The following MLXIP variants were observed in gnomAD, a reference collection of about 807,000 sequenced individuals.
MLXIP encodes MLX interacting protein.
A neutral mutation model predicts 87.2 loss-of-function variants in MLXIP; 30 were observed. The ratio of observed to expected loss-of-function variants is 0.34; its 90% confidence interval spans 0.26 to 0.47. The LOEUF is 0.47. Among genes scored for constraint, MLXIP ranks in the 20% least tolerant of loss-of-function variants. The pLI is 1.00. For synonymous variants in MLXIP, 530 were observed against 514.0 expected (o/e 1.03, Z -0.42); for missense variants, 1,002 against 1,240.1 (o/e 0.81, Z 2.88).
chr12:122,135,690 G>T lies in MLXIP; in HGVS notation c.2032+24G>T. The stretch of plus-strand genomic sequence containing the variant: ...CAGTGAGTGTTCACTCGGCGGGATG[G>T]TTGGGGCATCGCAAGGGAAGTAACT... On this transcript the variant is annotated intron_variant, in intron 11 of 16. Coordinates refer to ENST00000319080, the MANE Select transcript of MLXIP (RefSeq NM_014938.6). The surrounding 1 kb of genome is among the most constrained non-coding windows in gnomAD (Gnocchi z 5.3). The T allele has an allele frequency of 2.0e-6, 3 of 1,465,622 alleles. No individual in the cohort carries two copies. The highest frequency in any genetic ancestry group is 2.7e-6 in the Non-Finnish European group (3 of 1,109,256). The allele number at this position is 1,465,622 out of a possible 1,614,324, so 90.8% of individuals were successfully genotyped here. A position where few individuals can be genotyped will look rare whatever the true frequency, so the allele number is the denominator to read the frequency against.
intron 3 of MLXIP, chr12:122,128,272 A>G (rs1381912270): frequency 7.3e-6 from 2 of 272,620 alleles, no homozygotes; most frequent in East Asian, 9.3e-5. Flanking sequence ...AGAGGAATAT[A>G]TAGAAGTGTC....
At position 122,133,560 on chromosome 12, in the gene MLXIP, C is replaced by T; in HGVS notation, c.1305C>T (p.Pro435=). The part of the protein sequence containing the change: ...PQPFLPVFTM[P]LLSPSPAPPP... Reference sequence around the variant, plus strand: ...CCTTCCTCCCTGTCTTCACCATGCCCCTGCTGTCTCCCAGCCCCGCCCCAC... The same window carrying T: ...CCTTCCTCCCTGTCTTCACCATGCCTCTGCTGTCTCCCAGCCCCGCCCCAC... Residue 435 remains proline (P), a synonymous_variant, in exon 9 of 17, where the codon CCC becomes CCT. Transcript: ENST00000319080. This position sits in a 1 kb window ranked among gnomAD's most constrained non-coding sequence, Gnocchi z 4.9. 2 of 1,606,430 alleles carry T rather than the reference C, an allele frequency of 1.2e-6. No homozygotes were observed. The highest frequency in any genetic ancestry group is 1.7e-6 in the Non-Finnish European group (2 of 1,176,712).
chr12:122,138,981 A>G lies in MLXIP; in HGVS notation c.2508+43A>G, dbSNP rs764681287. On this transcript the variant is annotated intron_variant, in intron 15 of 16. Transcript: ENST00000319080. ...TTTTGCTCTTCCCGGCCCTCAGCCA[A>G]TGCACTGAAGCCACAGACCGTGGCA... 9.9e-6 allele frequency: 16 copies of G among 1,610,442 alleles called. No homozygotes were observed. In the Admixed American group the frequency reaches 1.2e-4, roughly 12 times the overall value.
Position 122,079,121 on chromosome 12 carries a change from G to A in MLXIP, c.268G>A (p.Glu90Lys). Residue 90 changes from glutamate (E) to lysine (K), a missense_variant, in exon 1 of 17, where the codon GAG becomes AAG. This residue lies in a region of MLXIP where 127 missense variants were observed against 239.0 expected (regional missense o/e 0.53). Coordinates refer to ENST00000319080, the MANE Select transcript of MLXIP (RefSeq NM_014938.6). ...CTTCATGGTGTCGTCGCCGCACCGA[G>A]AGCACCCGCCCAAGAAGGGCTACGA... ...GHFMVSSPHR[E>K]HPPKKGYDFD... The A allele has an allele frequency of 1.3e-6, 2 of 1,550,354 alleles. No individual in the cohort carries two copies. The highest frequency in any genetic ancestry group is 1.7e-6 in the Non-Finnish European group (2 of 1,146,838).
chr12:122,123,253 C>T (rs1952813092), intron 1 of MLXIP, among the ~76,000 whole-genome samples: 1 of 152,216 alleles, frequency 6.6e-6, no homozygotes, highest in Non-Finnish European at 1.5e-5. Context: ...GTTGCCTCCT[C>T]AGATCTTGAC....
At chr12:122,099,554 T>A (rs1952406029) in intron 1 of MLXIP, among the ~76,000 whole-genome samples, 3 of 152,238 alleles carry the variant, frequency 2.0e-5, no homozygotes, top group Non-Finnish European at 4.4e-5. Flanking sequence ...CGGGCTGATT[T>A]CCCCAATGAC....
intron 9 of MLXIP, chr12:122,134,362 T>G (rs1593113761): frequency 4.6e-6 from 1 of 216,798 alleles, no homozygotes; most frequent in African/African-American, 2.3e-5. Context: ...ACTCGGCTAA[T>G]TTTTGTTTGT....
Position 122,135,870 on chromosome 12 carries a change from A to C in MLXIP, c.2032+204A>C. On this transcript the variant is annotated intron_variant, in intron 11 of 16. Transcript: ENST00000319080. The surrounding 1 kb of genome is among the most constrained non-coding windows in gnomAD (Gnocchi z 5.3). ...GAAATGTGGTGGCACTGGCAGGGCA[A>C]AAAGTAGTGAACATGTGGCAGTGTA... The C allele has an allele frequency of 1.6e-6, 1 of 625,100 alleles. No individual in the cohort carries two copies. Among genetic ancestry groups the C allele is most frequent in the Non-Finnish European group, 2.6e-6 (1 of 385,188 alleles). 38.7% of individuals were successfully genotyped at this position (625,100 alleles called of 1,614,324 possible).
chr12:122,112,601 C>A (rs1267359600), intron 1 of MLXIP, among the ~76,000 whole-genome samples: 2 of 150,846 alleles, frequency 1.3e-5, no homozygotes, highest in African/African-American at 4.9e-5. Flanking sequence ...GAGCCAAGAT[C>A]GTGCCACTGC....
At chr12:122,095,837 G>GTA (rs1164256452) in intron 1 of MLXIP, among the ~76,000 whole-genome samples, 1 of 151,240 alleles carries the variant, frequency 6.6e-6, no homozygotes, top group Admixed American at 6.6e-5. Flanking sequence ...TGCATGGTGA[G>GTA]TATATATATA....
Position 122,142,868 on chromosome 12 carries a change from G to C in MLXIP, c.*1056G>C, listed in dbSNP as rs116641609. On this transcript the variant is annotated 3_prime_UTR_variant, in exon 17 of 17. Transcript: ENST00000319080. ...AAACAATGTTGGCAGGCAGCACTCT[G>C]TGGTGGTCAGCCCTCAGAGCTGTTT... is the stretch of plus-strand genomic sequence containing the variant. 0.015 allele frequency: 2,299 copies of C among 157,448 alleles called. 46 individuals carry two copies. The highest frequency in any genetic ancestry group is 0.053 in the African/African-American group (2,190 of 41,618). The allele number at this position is 157,448 out of a possible 1,614,324, so 9.8% of individuals were successfully genotyped here.
Position 122,133,911 on chromosome 12 carries a change from G to A in MLXIP, c.1656G>A (p.Lys552=). 1 of 1,609,502 alleles carries A rather than the reference G, an allele frequency of 6.2e-7. No homozygotes were observed. The highest frequency in any genetic ancestry group is 8.5e-7 in the Non-Finnish European group (1 of 1,178,244). The change falls in exon 9 of 17, where the codon AAG becomes AAA. Residue 552 remains lysine (K), a synonymous_variant. Coordinates refer to ENST00000319080, the MANE Select transcript of MLXIP (RefSeq NM_014938.6). The surrounding 1 kb of genome is among the most constrained non-coding windows in gnomAD (Gnocchi z 4.9). Reference sequence around the variant, plus strand: ...TATCCTTGACTGGGGGCAGGCCTAAGCAGCCCCACAAAATAGTGCCTGCTC... The same window carrying A: ...TATCCTTGACTGGGGGCAGGCCTAAACAGCCCCACAAAATAGTGCCTGCTC... ...KPVSLTGGRP[K]QPHKIVPAPK...
At chr12:122,099,966 T>C (rs1253253235) in intron 1 of MLXIP, among the ~76,000 whole-genome samples, 1 of 152,134 alleles carries the variant, frequency 6.6e-6, no homozygotes, top group Non-Finnish European at 1.5e-5. Flanking sequence ...CCAAGTGCAG[T>C]GTGGTTATAC....
intron 1 of MLXIP, among the ~76,000 whole-genome samples, chr12:122,096,354 G>T (rs964387340): frequency 6.7e-6 from 1 of 149,948 alleles, no homozygotes; most frequent in African/African-American, 2.5e-5. Flanking sequence ...TTTTGATAAC[G>T]CCTCCCATGT....
chr12:122,107,373 A>G (rs1022236019), intron 1 of MLXIP, among the ~76,000 whole-genome samples: 2 of 152,062 alleles, frequency 1.3e-5, no homozygotes, highest in Non-Finnish European at 2.9e-5. Flanking sequence ...CCAGCTCCGC[A>G]GCACCTTTGT....
At position 122,133,034 on chromosome 12, in the gene MLXIP, A is replaced by C; in HGVS notation, c.1093-314A>C. 3.3e-6 allele frequency: 1 copy of C among 302,978 alleles called. No homozygotes were observed. The highest frequency in any genetic ancestry group is 6.1e-6 in the Non-Finnish European group (1 of 164,152). The allele number at this position is 302,978 out of a possible 1,614,324, so 18.8% of individuals were successfully genotyped here. A position where few individuals can be genotyped will look rare whatever the true frequency, so the allele number is the denominator to read the frequency against. ...ATCCAGGCTGCCTCTGCTCAGTAAT[A>C]GAAGATGGCAGAGACTTTGGGGAGA... On this transcript the variant is annotated intron_variant, in intron 8 of 16. Transcript: ENST00000319080. This position sits in a 1 kb window ranked among gnomAD's most constrained non-coding sequence, Gnocchi z 4.9.
intron 1 of MLXIP, among the ~76,000 whole-genome samples, chr12:122,091,567 TC>T (rs1952245323): frequency 6.6e-6 from 1 of 152,172 alleles, no homozygotes; most frequent in South Asian, 2.1e-4. Flanking sequence ...AAAGACTTTT[TC>T]TTCTTTTATC....
intron 1 of MLXIP, among the ~76,000 whole-genome samples, chr12:122,117,773 C>T (rs1176774821): frequency 6.6e-6 from 1 of 152,148 alleles, no homozygotes; most frequent in Non-Finnish European, 1.5e-5. Context: ...ACCCTGTATA[C>T]AGTACATTTT....
At chr12:122,082,361 G>GA (rs780161028) in intron 1 of MLXIP, among the ~76,000 whole-genome samples, 9 of 152,092 alleles carry the variant, frequency 5.9e-5, no homozygotes, top group Non-Finnish European at 1.2e-4. Context: ...GTTAATGATG[G>GA]AAAAAATCCT....
Sources: allele counts gnomAD v4.1 joint callset (sites outside exome capture counted in the v4.1 genomes callset), GRCh38; gene constraint gnomAD v4.1.1; regional missense constraint gnomAD v4.1.1; non-coding constraint Gnocchi (gnomAD v3.1); transcripts MANE v1.5; gene names NCBI Gene and HGNC (gene_info 2026-07-23, HGNC 2026-07-21).